The following WNK1 variants were observed in gnomAD, a reference collection of about 807,000 sequenced individuals.
WNK1 encodes the protein WNK lysine deficient protein kinase 1, also known as serine/threonine-protein kinase WNK1.
WNK1 carries 38 observed loss-of-function variants against 222.8 expected under a neutral mutation model. That is an observed-to-expected ratio of 0.17 (90% CI 0.13 to 0.22). The LOEUF (loss-of-function observed/expected upper bound fraction) is 0.22. WNK1 is among the 10% of genes least tolerant of loss of function. The pLI, the probability that WNK1 is intolerant of heterozygous loss-of-function variation, is 1.00. For missense variants in WNK1, 2,348 were observed against 2,918.4 expected (o/e 0.80, Z 4.50); for synonymous variants, 1,090 against 1,092.9 (o/e 1.00, Z 0.05).
intron 1 of WNK1, among the ~76,000 whole-genome samples, chr12:793,326 G>A (rs992224956): frequency 2.6e-5 from 4 of 152,156 alleles, no homozygotes; most frequent in African/African-American, 7.2e-5. Flanking sequence ...GAAGTTGGGT[G>A]ACTAGAAAAG....
chr12:862,349 A>C, intron 8 of WNK1, 79 bp downstream of exon 8: 1 of 1,457,428 alleles, frequency 6.9e-7, no homozygotes, highest in South Asian at 1.2e-5. Flanking sequence ...CTTTGTACAA[A>C]CCAAGTAACA....
chr12:881,748 C>G lies in WNK1; in HGVS notation c.3168C>G (p.Thr1056=), dbSNP rs761615496. Residue 1056 remains threonine, a synonymous_variant, in exon 13 of 28, where the codon ACC becomes ACG. Coordinates refer to ENST00000315939, the MANE Select transcript of WNK1 (RefSeq NM_018979.4). ...APAEPVAVAQ[T]QATQPTTLAS... is the part of the protein sequence containing the mutation. The stretch of plus-strand genomic sequence containing the variant: ...CAGAGCCAGTTGCAGTAGCACAGAC[C>G]CAAGCTACCCAGCCGACCACTTTGG... 39 of 1,614,042 alleles carry G rather than the reference C, an allele frequency of 2.4e-5. No individual in the cohort carries two copies. In the African/African-American group the frequency reaches 4.9e-4, roughly 20 times the overall value.
intron 1 of WNK1, among the ~76,000 whole-genome samples, chr12:784,628 A>G (rs1039127429): frequency 1.3e-5 from 2 of 152,180 alleles, no homozygotes; most frequent in African/African-American, 4.8e-5. Context: ...CAAGATATTT[A>G]TTACTATTTT....
intron 10 of WNK1, 62 bp downstream of exon 10, chr12:878,423 G>T (rs1952819781): frequency 1.9e-6 from 3 of 1,546,552 alleles, no homozygotes; most frequent in Admixed American, 1.8e-5. Context: ...TGCTAAAAGG[G>T]ATTTCCATGT....
intron 8 of WNK1, among the ~76,000 whole-genome samples, chr12:863,761 A>T (rs1454941711): frequency 6.6e-6 from 1 of 152,230 alleles, no homozygotes; most frequent in Admixed American, 6.5e-5. Flanking sequence ...TTGAGAATTT[A>T]AAAATTTGTC....
chr12:800,930 ATTC>A (rs756810195), intron 1 of WNK1, among the ~76,000 whole-genome samples: 7 of 152,094 alleles, frequency 4.6e-5, no homozygotes, highest in Non-Finnish European at 1.0e-4. Flanking sequence ...TGTCCTACAG[ATTC>A]TTCGTTTTTA....
intron 4 of WNK1, among the ~76,000 whole-genome samples, chr12:850,515 A>G (rs1211239322): frequency 6.6e-6 from 1 of 151,992 alleles, no homozygotes; most frequent in East Asian, 1.9e-4. Flanking sequence ...CCCATTCTGT[A>G]GGTTGCCTGT....
intron 4 of WNK1, among the ~76,000 whole-genome samples, chr12:848,012 T>C (rs1591992984): frequency 6.6e-6 from 1 of 152,056 alleles, no homozygotes; most frequent in East Asian, 1.9e-4. Context: ...TTCACCATGT[T>C]GGCTAGGATG....
chr12:822,091 T>TC, intron 2 of WNK1, among the ~76,000 whole-genome samples: 1 of 134,750 alleles, frequency 7.4e-6, no homozygotes, highest in Non-Finnish European at 1.6e-5. Flanking sequence ...TTATACCTTT[T>TC]TTTTTTTTTT....
intron 9 of WNK1, among the ~76,000 whole-genome samples, chr12:873,497 G>C (rs190361051): frequency 1.3e-5 from 2 of 152,048 alleles, no homozygotes; most frequent in African/African-American, 2.4e-5. Context: ...TTGAGCCCTC[G>C]ATATATATAG....
In WNK1 at chr12:753,527, C is replaced by T; in HGVS notation, c.-39C>T. ...CGGCCCTTCACGCCCTTTTCGTTCA[C>T]GAATCCGAGCCCGCTCGCCTCTCTC... On this transcript the variant is annotated 5_prime_UTR_variant, in exon 1 of 28. It adds an upstream start codon to the 5' untranslated region. Transcript: ENST00000315939. The surrounding 1 kb of genome is among the most constrained non-coding windows in gnomAD (Gnocchi z 5.2). 6.2e-7 allele frequency: 1 copy of T among 1,610,554 alleles called. No homozygotes were observed. The highest frequency in any genetic ancestry group is 8.5e-7 in the Non-Finnish European group (1 of 1,179,602).
intron 2 of WNK1, among the ~76,000 whole-genome samples, chr12:823,254 A>G (rs1241328148): frequency 6.6e-6 from 1 of 152,052 alleles, no homozygotes; most frequent in Admixed American, 6.5e-5. Flanking sequence ...AGTGTTTCTC[A>G]TTGTGGATCT....
intron 19 of WNK1, among the ~76,000 whole-genome samples, chr12:886,435 T>A (rs377161536): frequency 6.6e-6 from 1 of 152,222 alleles, no homozygotes; most frequent in South Asian, 2.1e-4. Flanking sequence ...ATAATAGCAG[T>A]TCATAGTCTT....
Position 759,148 on chromosome 12 carries a change from C to T in WNK1, c.759+4824C>T, listed in dbSNP as rs181266125. Among the ~76,000 whole-genome samples, 92 of 147,100 alleles carry T rather than the reference C, an allele frequency of 6.3e-4. 3 individuals are homozygous for T. The highest frequency in any genetic ancestry group is 6.1e-3 in the Admixed American group (90 of 14,842). On this transcript the variant is annotated intron_variant, in intron 1 of 27. Transcript: ENST00000315939. ...TATTTGGGTTTTCTGGTAGTTTTTA[C>T]ATTTTTTTAGATAAAGCTGTAAAAG... is the stretch of plus-strand genomic sequence containing the variant.
In WNK1 at chr12:810,237, A is replaced by C. The variant is rs1311742824; in HGVS notation, c.760-3405A>C. The stretch of plus-strand genomic sequence containing the variant: ...ACTCCAGCCTGTGCGACAGAGCAAG[A>C]CTCCGTCTCAAAAAAAAAAAAGGTG... On this transcript the variant is annotated intron_variant, in intron 1 of 27. Transcript: ENST00000315939. Among the ~76,000 whole-genome samples the C allele has an allele frequency of 4.7e-5, 7 of 149,748 alleles. No individual in the cohort carries two copies. The East Asian group carries it at 7.8e-4, about 17-fold the overall frequency.
At chr12:812,182 C>G (rs1946970163) in intron 1 of WNK1, among the ~76,000 whole-genome samples, 1 of 152,098 alleles carries the variant, frequency 6.6e-6, no homozygotes, top group African/African-American at 2.4e-5. Context: ...GTTGATCATT[C>G]TGTATGGGTT....
intron 4 of WNK1, among the ~76,000 whole-genome samples, chr12:838,170 C>T (rs1263027789): frequency 6.6e-6 from 1 of 151,672 alleles, no homozygotes; most frequent in African/African-American, 2.4e-5. Flanking sequence ...CTGTTCCTAC[C>T]ATTGGCTGTT....
intron 4 of WNK1, among the ~76,000 whole-genome samples, chr12:846,402 A>G (rs955269089): frequency 2.6e-5 from 4 of 152,190 alleles, no homozygotes; most frequent in African/African-American, 9.6e-5. Flanking sequence ...AACTTTTTAT[A>G]TGAAGGATAG....
chr12:754,591 G>T (rs1394822738), intron 1 of WNK1, among the ~76,000 whole-genome samples: 1 of 152,170 alleles, frequency 6.6e-6, no homozygotes, highest in Admixed American at 6.5e-5. Flanking sequence ...ATTGTCTCCT[G>T]GTTTAGAGTC....
Sources: allele counts gnomAD v4.1 joint callset (sites outside exome capture counted in the v4.1 genomes callset), GRCh38; gene constraint gnomAD v4.1.1; non-coding constraint Gnocchi (gnomAD v3.1); transcripts MANE v1.5; gene names NCBI Gene and HGNC (gene_info 2026-07-23, HGNC 2026-07-21).